Variants in GNA12 observed in about 807,000 individuals in gnomAD.
GNA12 encodes G protein subunit alpha 12.
A neutral mutation model predicts 26.0 loss-of-function variants in GNA12; 9 were observed. The ratio of observed to expected loss-of-function variants is 0.35; its 90% CI spans 0.21 to 0.60. The LOEUF is 0.60. Among genes scored for constraint, GNA12 ranks in the 20% least tolerant of loss-of-function variants. GNA12 has a pLI of 0.78. For synonymous variants in GNA12, 264 were observed against 219.6 expected, an observed-to-expected ratio of 1.20 and a Z score of -1.79; for missense variants, 405 against 525.8, an observed-to-expected ratio of 0.77 and a Z score of 2.25.
intron 1 of GNA12, chr7:2,814,398 C>A (rs1793165511): frequency 6.5e-7 from 1 of 1,526,934 alleles, no homozygotes; most frequent in African/African-American, 1.4e-5. Context: ...CCCTGCAAGT[C>A]AACATTTAAG....
intron 1 of GNA12, 150 bp downstream of exon 1, chr7:2,843,703 T>TCGGGGGGGAGTGGGGTG: frequency 2.5e-6 from 1 of 400,200 alleles, no homozygotes; most frequent in African/African-American, 2.7e-5. Context: ...GGGGAATGGG[T>TCGGGGGGGAGTGGGGTG]CGGGGGGGAG....
chr7:2,806,975 A>C (rs1792965606), intron 1 of GNA12, among the ~76,000 whole-genome samples: 1 of 152,236 alleles, frequency 6.6e-6, no homozygotes, highest in Non-Finnish European at 1.5e-5. Context: ...AAATATTACT[A>C]AACTGTTTTC....
chr7:2,807,835 C>T (rs997315505), intron 1 of GNA12, among the ~76,000 whole-genome samples: 6 of 152,316 alleles, frequency 3.9e-5, no homozygotes, highest in South Asian at 2.1e-4. Context: ...CTAAACAAGA[C>T]GCTGCAGCGT....
intron 1 of GNA12, among the ~76,000 whole-genome samples, chr7:2,817,732 C>G (rs915970583): frequency 4.6e-5 from 7 of 152,220 alleles, no homozygotes; most frequent in Admixed American, 6.5e-5. Context: ...ACTCAGGATT[C>G]TGGTCTAAGC....
intron 2 of GNA12, among the ~76,000 whole-genome samples, chr7:2,768,218 A>G (rs985042275): frequency 1.6e-4 from 24 of 152,198 alleles, no homozygotes; most frequent in Non-Finnish European, 2.9e-4. Flanking sequence ...ACAAGTCCAA[A>G]TTGAGTTAGA....
intron 2 of GNA12, among the ~76,000 whole-genome samples, chr7:2,770,173 G>T (rs1286947976): frequency 6.6e-6 from 1 of 152,090 alleles, no homozygotes; most frequent in African/African-American, 2.4e-5. Flanking sequence ...ACTTTACTGA[G>T]GTTCACTGCC....
chr7:2,738,305 A>G (rs1247541503), intron 2 of GNA12, among the ~76,000 whole-genome samples: 1 of 152,098 alleles, frequency 6.6e-6, no homozygotes, highest in African/African-American at 2.4e-5. Flanking sequence ...AAAATTAGGT[A>G]ACAGATTCAC....
At position 2,829,293 on chromosome 7, in the gene GNA12, C is replaced by T. The variant is rs151036197; in HGVS notation, c.309+14560G>A. Reference sequence around the variant, plus strand: ...ATCCTCCACCCATATTTCCCTCTGTCGGAGAGATAAGAAAAACTAAGGCTT... The same window carrying T: ...ATCCTCCACCCATATTTCCCTCTGTTGGAGAGATAAGAAAAACTAAGGCTT... On this transcript the variant is annotated intron_variant, in intron 1 of 3. Coordinates refer to ENST00000275364, the MANE Select transcript of GNA12 (RefSeq NM_007353.3). Among the ~76,000 whole-genome samples the T allele has an allele frequency of 1.6e-3, 248 of 152,200 alleles. 1 individual carries two copies. Among genetic ancestry groups the T allele is most frequent in the Middle Eastern group, 0.01 (3 of 294 alleles).
intron 2 of GNA12, among the ~76,000 whole-genome samples, chr7:2,742,556 C>T (rs185257378): frequency 8.5e-4 from 129 of 152,312 alleles, no homozygotes; most frequent in African/African-American, 3.0e-3. Context: ...TCTGTCCTCG[C>T]TTACTTTGGT....
chr7:2,729,639 A>G lies in GNA12; in HGVS notation c.*1542T>C, dbSNP rs902467137. 6.6e-6 allele frequency: 1 copy of G among 152,344 alleles called. No individual in the cohort carries two copies. The highest frequency in any genetic ancestry group is 1.5e-5 in the Non-Finnish European group (1 of 68,050). The allele number at this position is 152,344 out of a possible 1,614,324, so 9.4% of individuals were successfully genotyped here. A position where few individuals can be genotyped will look rare whatever the true frequency, so the allele number is the denominator to read the frequency against. On this transcript the variant is annotated 3_prime_UTR_variant, in exon 4 of 4. Coordinates refer to ENST00000275364, the MANE Select transcript of GNA12 (RefSeq NM_007353.3). ...GTTTGCGGAAAACAAGCCAAGGGTGAGCTGCAGAGGGGCTCGGGGCTCGGG... is the reference window on the plus strand; with the variant it reads ...GTTTGCGGAAAACAAGCCAAGGGTGGGCTGCAGAGGGGCTCGGGGCTCGGG...
At chr7:2,835,874 A>G in intron 1 of GNA12, 1 of 583,986 alleles carries the variant, frequency 1.7e-6, no homozygotes. Flanking sequence ...GAAACACAGG[A>G]AATGTTAGAA....
At position 2,729,780 on chromosome 7, in the gene GNA12, A is replaced by C. The variant is rs772280992; in HGVS notation, c.*1401T>G. Reference sequence around the variant, plus strand: ...TGTAAATGCTAGGACACATCCCAAAACACACTAGGCAGGATTTCTCAGTAG... The same window carrying C: ...TGTAAATGCTAGGACACATCCCAAACCACACTAGGCAGGATTTCTCAGTAG... On this transcript the variant is annotated 3_prime_UTR_variant, in exon 4 of 4. Coordinates refer to ENST00000275364, the MANE Select transcript of GNA12 (RefSeq NM_007353.3). 2 of 152,366 alleles carry C rather than the reference A, an allele frequency of 1.3e-5. No homozygotes were observed. Among genetic ancestry groups the C allele is most frequent in the Non-Finnish European group, 2.9e-5 (2 of 68,048 alleles). The allele number at this position is 152,366 out of a possible 1,614,324, so 9.4% of individuals were successfully genotyped here. A position where few individuals can be genotyped will look rare whatever the true frequency, so the allele number is the denominator to read the frequency against.
At chr7:2,822,419 A>G (rs964251264) in intron 1 of GNA12, among the ~76,000 whole-genome samples, 1 of 152,202 alleles carries the variant, frequency 6.6e-6, no homozygotes, top group Non-Finnish European at 1.5e-5. Context: ...TCTAAGACAT[A>G]TCTTATGGAA....
At chr7:2,780,076 AT>A (rs1562424194) in intron 2 of GNA12, among the ~76,000 whole-genome samples, 7 of 130,994 alleles carry the variant, frequency 5.3e-5, no homozygotes, top group African/African-American at 1.5e-4. Flanking sequence ...ATATATATAT[AT>A]ATATATATAT....
At chr7:2,772,549 G>A (rs1199019007) in intron 2 of GNA12, among the ~76,000 whole-genome samples, 2 of 148,982 alleles carry the variant, frequency 1.3e-5, no homozygotes, top group Non-Finnish European at 3.0e-5. Context: ...AACAGAGTGA[G>A]ACTCCATCTC....
At chr7:2,739,667 TC>T (rs1278343075) in intron 2 of GNA12, among the ~76,000 whole-genome samples, 1 of 152,142 alleles carries the variant, frequency 6.6e-6, no homozygotes, top group Non-Finnish European at 1.5e-5. Flanking sequence ...AACTGTAGCA[TC>T]CTATGGTAGT....
intron 1 of GNA12, among the ~76,000 whole-genome samples, chr7:2,802,656 G>A (rs1792839981): frequency 6.6e-6 from 1 of 152,250 alleles, no homozygotes; most frequent in East Asian, 1.9e-4. Context: ...GTTCACTCGG[G>A]CAACAGCATG....
At chr7:2,837,254 T>C (rs1778864459) in intron 1 of GNA12, among the ~76,000 whole-genome samples, 1 of 152,126 alleles carries the variant, frequency 6.6e-6, no homozygotes, top group Non-Finnish European at 1.5e-5. Context: ...GTCGCTTTGC[T>C]ACCCCCTCCC....
At chr7:2,829,513 T>G (rs879866664) in intron 1 of GNA12, among the ~76,000 whole-genome samples, 3 of 152,208 alleles carry the variant, frequency 2.0e-5, no homozygotes, top group Non-Finnish European at 4.4e-5. Flanking sequence ...ATGACGATGC[T>G]GAGTTTTCAA....
Sources: gnomAD v4.1 joint callset for allele counts (sites outside exome capture counted in the v4.1 genomes callset) on GRCh38, gnomAD v4.1.1 for gene constraint, MANE v1.5 for transcripts, NCBI Gene and HGNC (gene_info 2026-07-23, HGNC 2026-07-21) for gene names.